SASS6: variants seen among roughly 807,000 people sequenced by gnomAD.
The protein encoded by SASS6 is spindle assembly abnormal protein 6 homolog.
A neutral mutation model predicts 94.9 loss-of-function variants in SASS6; 59 were observed. The observed-to-expected ratio is 0.62, with a 90% CI of 0.50 to 0.77. The LOEUF (loss-of-function observed/expected upper bound fraction) is 0.77. Ranked by LOEUF, SASS6 falls within the 30% of genes least tolerant of loss-of-function variation. The pLI is 0.00. For missense variants in SASS6, 698 were observed against 734.1 expected, an observed-to-expected ratio of 0.95 and a Z score of 0.57; for synonymous variants, 264 against 270.0, an observed-to-expected ratio of 0.98 and a Z score of 0.22.
At chr1:100,110,743 A>G (rs1041929908) in intron 7 of SASS6, among the ~76,000 whole-genome samples, 2 of 152,042 alleles carry the variant, frequency 1.3e-5, no homozygotes, top group African/African-American at 4.8e-5. Flanking sequence ...TTCTAAATCC[A>G]TATATGTTTA....
chr1:100,089,478 AAG>A (rs1190411993), intron 14 of SASS6, among the ~76,000 whole-genome samples: 5 of 152,264 alleles, frequency 3.3e-5, no homozygotes, highest in African/African-American at 1.2e-4. Flanking sequence ...ATGAATGATA[AAG>A]AGAAAATTTA....
chr1:100,116,348 GA>G (rs1479341909), intron 7 of SASS6, among the ~76,000 whole-genome samples: 1 of 152,126 alleles, frequency 6.6e-6, no homozygotes, highest in Non-Finnish European at 1.5e-5. Flanking sequence ...ATGGGCACTT[GA>G]AAAGAGAATA....
At chr1:100,117,649 T>C (rs1026173072) in intron 7 of SASS6, among the ~76,000 whole-genome samples, 1 of 146,924 alleles carries the variant, frequency 6.8e-6, no homozygotes, top group African/African-American at 2.5e-5. Flanking sequence ...CGAGACTCCA[T>C]CTAAAAATAA....
At chr1:100,089,380 C>T (rs894708463) in intron 14 of SASS6, among the ~76,000 whole-genome samples, 2 of 151,996 alleles carry the variant, frequency 1.3e-5, no homozygotes, top group Non-Finnish European at 1.5e-5. Flanking sequence ...ATAAAAACTA[C>T]AAACCCACCT....
At chr1:100,121,042 T>A in intron 5 of SASS6, among the ~76,000 whole-genome samples, 1 of 120,566 alleles carries the variant, frequency 8.3e-6, no homozygotes. Context: ...AGAGCGAGAC[T>A]CCGTCTCAAA....
intron 7 of SASS6, among the ~76,000 whole-genome samples, chr1:100,116,327 TAAC>T (rs945692495): frequency 1.1e-4 from 17 of 152,194 alleles, no homozygotes; most frequent in Admixed American, 7.2e-4. Context: ...TTAAACATGC[TAAC>T]AACTTGAATG....
chr1:100,109,287 C>T (rs947200512), intron 8 of SASS6, among the ~76,000 whole-genome samples: 2 of 151,990 alleles, frequency 1.3e-5, no homozygotes, highest in African/African-American at 2.4e-5. Context: ...AGCTTCTAAG[C>T]ATGAGACTGG....
intron 1 of SASS6, among the ~76,000 whole-genome samples, chr1:100,129,218 CAG>C (rs1654836851): frequency 6.6e-6 from 1 of 151,022 alleles, no homozygotes; most frequent in African/African-American, 2.4e-5. Flanking sequence ...GCCTGGGCAA[CAG>C]AGTGACAGCC....
chr1:100,114,938 C>T (rs1384606918), intron 7 of SASS6, among the ~76,000 whole-genome samples: 1 of 152,118 alleles, frequency 6.6e-6, no homozygotes, highest in African/African-American at 2.4e-5. Flanking sequence ...TGACTTAGCA[C>T]TCTTTGAATT....
intron 5 of SASS6, 23 bp from the exon 6 acceptor site, chr1:100,120,482 T>C: frequency 9.7e-7 from 1 of 1,029,182 alleles, no homozygotes; most frequent in Non-Finnish European, 1.5e-6. Context: ...ATAATAAAAT[T>C]ACACAGTTTA....
intron 2 of SASS6, among the ~76,000 whole-genome samples, chr1:100,123,584 T>G (rs1654359618): frequency 6.6e-6 from 1 of 152,238 alleles, no homozygotes; most frequent in African/African-American, 2.4e-5. Flanking sequence ...TTAGACCCAG[T>G]CCTTGCTACA....
chr1:100,096,599 G>A (rs1652125764), intron 14 of SASS6, among the ~76,000 whole-genome samples: 1 of 152,030 alleles, frequency 6.6e-6, no homozygotes, highest in African/African-American at 2.4e-5. Context: ...AAATGAAAAG[G>A]GAAGCCACTG....
At chr1:100,121,608 G>T in intron 4 of SASS6, 59 bp from the exon 5 acceptor site, 1 of 947,996 alleles carries the variant, frequency 1.1e-6, no homozygotes, top group South Asian at 1.5e-5. Flanking sequence ...ATCTCTCACT[G>T]AATCAGAAGC....
intron 13 of SASS6, 21 bp from the exon 14 acceptor site, chr1:100,103,104 A>T (rs755119210): frequency 6.8e-7 from 1 of 1,468,678 alleles, no homozygotes; most frequent in Non-Finnish European, 9.4e-7. Context: ...AAACATAAAG[A>T]TGATTAAAGA....
intron 13 of SASS6, among the ~76,000 whole-genome samples, chr1:100,104,136 A>C (rs958709819): frequency 6.6e-6 from 1 of 152,204 alleles, no homozygotes; most frequent in African/African-American, 2.4e-5. Context: ...AAGCAAGAGG[A>C]ATGTATTAAG....
intron 7 of SASS6, among the ~76,000 whole-genome samples, chr1:100,118,640 C>T (rs1387570320): frequency 6.6e-6 from 1 of 152,088 alleles, no homozygotes; most frequent in African/African-American, 2.4e-5. Flanking sequence ...TTAACTGATA[C>T]AGAATGGTAT....
intron 14 of SASS6, among the ~76,000 whole-genome samples, chr1:100,092,472 C>T (rs537469271): frequency 6.6e-6 from 1 of 152,176 alleles, no homozygotes; most frequent in African/African-American, 2.4e-5. Flanking sequence ...TGTAGAAGAA[C>T]TTAGAATACC....
In SASS6 at chr1:100,129,248, A is replaced by T. The variant is rs115077907; in HGVS notation, c.66-3306T>A. ...TGACAGCCTCTCTCTAAAAAAAAAA[A>T]AATAATAATTTTTGAACATAGGATG... is the stretch of plus-strand genomic sequence containing the variant. On this transcript the variant is annotated intron_variant, in intron 1 of 16. Transcript: ENST00000287482. Among the ~76,000 whole-genome samples the T allele has an allele frequency of 3.0e-3, 457 of 152,186 alleles. 3 individuals carry two copies. The highest frequency in any genetic ancestry group is 9.1e-3 in the African/African-American group (376 of 41,540).
intron 13 of SASS6, among the ~76,000 whole-genome samples, chr1:100,104,030 A>C (rs1245703134): frequency 6.6e-6 from 1 of 152,224 alleles, no homozygotes; most frequent in Non-Finnish European, 1.5e-5. Flanking sequence ...TAGGTGATTT[A>C]AGAAAAAGTT....
Sources: gnomAD v4.1 joint callset for allele counts (sites outside exome capture counted in the v4.1 genomes callset) on GRCh38, gnomAD v4.1.1 for gene constraint, MANE v1.5 for transcripts, NCBI Gene and HGNC (gene_info 2026-07-23, HGNC 2026-07-21) for gene names.